Variants in ANO1 observed in about 807,000 individuals in gnomAD.
The protein encoded by ANO1 is anoctamin-1.
In ANO1, 59 loss-of-function variants were observed where a neutral mutation model predicts 124.0. The observed-to-expected ratio is 0.48, with a 90% CI of 0.39 to 0.59. ANO1 has a LOEUF of 0.59. Among genes scored for constraint, ANO1 ranks in the 20% least tolerant of loss-of-function variants. The pLI, the probability that ANO1 is intolerant of heterozygous loss-of-function variation, is 0.00. For missense variants in ANO1, 1,059 were observed against 1,328.0 expected, an observed-to-expected ratio of 0.80 and a Z score of 3.15; for synonymous variants, 529 against 532.0, an observed-to-expected ratio of 0.99 and a Z score of 0.08.
intron 1 of ANO1, among the ~76,000 whole-genome samples, chr11:70,029,366 A>C (rs10793254): frequency 0.76 from 115,677 of 152,140 alleles, 44,348 homozygotes; most frequent in East Asian, 0.94. Context: ...GAGCTGACTC[A>C]TTCACAGCCC....
chr11:70,016,852 T>C (rs990177), intron 1 of ANO1, among the ~76,000 whole-genome samples: 118,843 of 152,208 alleles, frequency 0.78, 46,747 homozygotes, highest in East Asian at 1. Flanking sequence ...GATCTGTGAC[T>C]AAACCAGGCC....
chr11:70,069,389 G>A (rs1292437503), intron 1 of ANO1, among the ~76,000 whole-genome samples: 2 of 152,182 alleles, frequency 1.3e-5, no homozygotes, highest in African/African-American at 2.4e-5. Flanking sequence ...TGCTTGAGCT[G>A]AGAGTCAAAT....
chr11:70,148,960 C>T (rs1345722183), intron 11 of ANO1, among the ~76,000 whole-genome samples: 6 of 152,154 alleles, frequency 3.9e-5, no homozygotes, highest in Admixed American at 1.3e-4. Context: ...CTGAAGGAGG[C>T]GGCATTTGAA....
At chr11:70,050,909 G>C (rs1056970707) in intron 1 of ANO1, among the ~76,000 whole-genome samples, 3 of 152,156 alleles carry the variant, frequency 2.0e-5, no homozygotes, top group Non-Finnish European at 4.4e-5. Flanking sequence ...ATTCTCTTGA[G>C]GATGGAAAGC....
chr11:70,089,990 GGTTTGTTT>G (rs72163864), intron 2 of ANO1, among the ~76,000 whole-genome samples: 60 of 4,842 alleles, frequency 0.012, no homozygotes, highest in African/African-American at 0.013. Flanking sequence ...TGTTCCCCAG[GGTTTGTTT>G]GTTTGTTTGT....
At chr11:70,021,477 CTTT>C (rs58399294) in intron 1 of ANO1, among the ~76,000 whole-genome samples, 1 of 145,170 alleles carries the variant, frequency 6.9e-6, no homozygotes, top group Non-Finnish European at 1.5e-5. Context: ...GTTGTTGTTT[CTTT>C]TTTTTTTTTA....
chr11:70,078,123 C>T (rs564361054), upstream of ANO1, among the ~76,000 whole-genome samples: 73 of 152,274 alleles, frequency 4.8e-4, no homozygotes, highest in African/African-American at 1.8e-3. Context: ...CCTTTCACAC[C>T]CGGTATGAAA....
chr11:70,168,856 C>T lies in ANO1; in HGVS notation c.2197+1469C>T, dbSNP rs80088317. On this transcript the variant is annotated intron_variant, in intron 21 of 25. Coordinates refer to ENST00000355303, the MANE Select transcript of ANO1 (RefSeq NM_018043.7). ...TGTTAGCCGAATTGTCCACATATGT[C>T]GCTCCTGGCTCCCCAGACAATCGTG... is the stretch of plus-strand genomic sequence containing the variant. 1.7e-3 allele frequency among the ~76,000 whole-genome samples: 256 copies of T among 152,290 alleles called. 4 individuals carry two copies. The East Asian group carries it at 0.037, about 22-fold the overall frequency.
intron 1 of ANO1, among the ~76,000 whole-genome samples, chr11:70,060,364 A>G (rs1375424984): frequency 6.6e-6 from 1 of 152,216 alleles, no homozygotes; most frequent in Non-Finnish European, 1.5e-5. Flanking sequence ...GATTGGGTTT[A>G]GAAGAACTGC....
intron 9 of ANO1, among the ~76,000 whole-genome samples, chr11:70,125,292 G>A (rs1046941826): frequency 4.0e-5 from 6 of 151,812 alleles, no homozygotes; most frequent in African/African-American, 9.7e-5. Flanking sequence ...GCAGTGAGCC[G>A]AGATCGCGCC....
chr11:69,972,416 C>T, the ANO1 span, among the ~76,000 whole-genome samples: 1 of 152,012 alleles, frequency 6.6e-6, no homozygotes, highest in Non-Finnish European at 1.5e-5. Flanking sequence ...CAGCCGGCAT[C>T]AACTCAATGA....
chr11:70,140,947 T>G (rs1256598870), intron 11 of ANO1, among the ~76,000 whole-genome samples: 1 of 152,156 alleles, frequency 6.6e-6, no homozygotes. Flanking sequence ...TTCCTAGTCC[T>G]CACTCAAGAT....
At chr11:70,162,408 A>T (rs1465852152) in intron 18 of ANO1, among the ~76,000 whole-genome samples, 1 of 152,146 alleles carries the variant, frequency 6.6e-6, no homozygotes, top group African/African-American at 2.4e-5. Context: ...AGGTGCTCCC[A>T]CGGCAGGTAG....
chr11:70,016,096 C>T (rs534872183), intron 1 of ANO1, among the ~76,000 whole-genome samples: 4 of 151,584 alleles, frequency 2.6e-5, no homozygotes, highest in Admixed American at 1.3e-4. Flanking sequence ...GGTGCAATCT[C>T]GGTTCACCGC....
At chr11:69,971,159 G>T in the ANO1 span, among the ~76,000 whole-genome samples, 3 of 152,192 alleles carry the variant, frequency 2.0e-5, no homozygotes, top group Non-Finnish European at 4.4e-5. Context: ...TAGTCCCTGT[G>T]CTGGGGGGGC....
At chr11:70,096,005 A>G (rs1247958883) in intron 2 of ANO1, among the ~76,000 whole-genome samples, 2 of 152,082 alleles carry the variant, frequency 1.3e-5, no homozygotes, top group Non-Finnish European at 2.9e-5. Flanking sequence ...TAGCTGATTT[A>G]TTACCCAGCT....
At chr11:70,109,946 C>T (rs954633895) in intron 6 of ANO1, among the ~76,000 whole-genome samples, 1 of 152,116 alleles carries the variant, frequency 6.6e-6, no homozygotes, top group African/African-American at 2.4e-5. Context: ...AGTCGACCCA[C>T]CTCTAAATTC....
intron 19 of ANO1, among the ~76,000 whole-genome samples, chr11:70,163,869 T>C (rs2048151237): frequency 6.6e-6 from 1 of 150,612 alleles, no homozygotes; most frequent in African/African-American, 2.5e-5. Context: ...ACCTGGAAGA[T>C]GGAGGTTGCA....
chr11:70,107,402 G>T (rs1207785693), intron 5 of ANO1, among the ~76,000 whole-genome samples: 1 of 151,802 alleles, frequency 6.6e-6, no homozygotes, highest in African/African-American at 2.4e-5. Flanking sequence ...CAGCCAGGGC[G>T]GAGGCCCTGT....
Sources: gnomAD v4.1 joint callset for allele counts (sites outside exome capture counted in the v4.1 genomes callset) on GRCh38, gnomAD v4.1.1 for gene constraint, MANE v1.5 for transcripts, NCBI Gene and HGNC (gene_info 2026-07-23, HGNC 2026-07-21) for gene names.